The following AGTPBP1 variants were observed in gnomAD, a reference collection of about 807,000 sequenced individuals.
AGTPBP1 encodes cytosolic carboxypeptidase 1.
A neutral mutation model predicts 143.9 loss-of-function variants in AGTPBP1; 70 were observed. The observed-to-expected ratio is 0.49, with a 90% confidence interval of 0.40 to 0.59. The LOEUF is 0.59. Among genes scored for constraint, AGTPBP1 ranks in the 20% least tolerant of loss-of-function variants. The pLI is 0.00. For missense variants in AGTPBP1, 1,229 were observed against 1,464.5 expected (o/e 0.84, Z 2.62); for synonymous variants, 463 against 500.2 (o/e 0.93, Z 0.99).
At chr9:85,679,486 C>T (rs761547746) in intron 4 of AGTPBP1, among the ~76,000 whole-genome samples, 3 of 152,110 alleles carry the variant, frequency 2.0e-5, no homozygotes, top group Admixed American at 6.5e-5. Context: ...CGGCTCACTG[C>T]AAGCTCCGCC....
chr9:85,599,950 T>C (rs1164783363), intron 17 of AGTPBP1, among the ~76,000 whole-genome samples: 2 of 152,190 alleles, frequency 1.3e-5, no homozygotes, highest in African/African-American at 2.4e-5. Context: ...ACATACCAGA[T>C]GCATGATCCT....
intron 17 of AGTPBP1, among the ~76,000 whole-genome samples, chr9:85,616,470 A>C (rs1435063735): frequency 6.6e-6 from 1 of 152,012 alleles, no homozygotes; most frequent in African/African-American, 2.4e-5. Context: ...AAAATGTTAT[A>C]GTTTTTAATA....
At chr9:85,582,569 A>G (rs1828336194) in intron 23 of AGTPBP1, among the ~76,000 whole-genome samples, 1 of 151,968 alleles carries the variant, frequency 6.6e-6, no homozygotes. Context: ...AATCCCAGCT[A>G]CTTGGGAGGC....
At chr9:85,678,183 GCAA>G (rs1834952428) in intron 5 of AGTPBP1, 149 bp downstream of exon 5, 2 of 510,310 alleles carry the variant, frequency 3.9e-6, no homozygotes, top group Admixed American at 4.0e-5. Flanking sequence ...CAAAAATAAA[GCAA>G]CAACAACAAA....
At chr9:85,765,632 A>AAG in the AGTPBP1 span, among the ~76,000 whole-genome samples, 1 of 152,114 alleles carries the variant, frequency 6.6e-6, no homozygotes. Flanking sequence ...TTACTTCATC[A>AAG]GAGAAAGATG....
At position 85,675,296 on chromosome 9, in the gene AGTPBP1, G is replaced by A. The variant is rs567554398; in HGVS notation, c.436+2140C>T. On this transcript the variant is annotated intron_variant, in intron 6 of 25. Transcript: ENST00000357081. ...AACTGAACTTGAGTTCTAGTCAAAG[G>A]GTGCCTTCCTTAGTTAACCTAACCT... is the stretch of plus-strand genomic sequence containing the variant. 3.3e-5 allele frequency among the ~76,000 whole-genome samples: 5 copies of A among 152,066 alleles called. No homozygotes were observed. In the East Asian group the frequency reaches 9.6e-4, roughly 29 times the overall value.
chr9:85,561,196 T>C (rs781218210), intron 25 of AGTPBP1, among the ~76,000 whole-genome samples: 1 of 152,038 alleles, frequency 6.6e-6, no homozygotes, highest in African/African-American at 2.4e-5. Flanking sequence ...ACCCCGTTTC[T>C]ATTAAAAATA....
intron 22 of AGTPBP1, among the ~76,000 whole-genome samples, chr9:85,586,148 G>C (rs1345136214): frequency 2.0e-5 from 3 of 151,634 alleles, no homozygotes; most frequent in Non-Finnish European, 4.4e-5. Flanking sequence ...GGGAGGCAGA[G>C]GTTGCAGTGA....
Position 85,665,281 on chromosome 9 carries a change from G to T in AGTPBP1, c.662+4204C>A, listed in dbSNP as rs539305718. ...ACAAAAGGGGAGAGTGCCATGTGAT[G>T]ATGGAGGCAAAAACCGAAATGCTAT... On this transcript the variant is annotated intron_variant, in intron 8 of 25. Transcript: ENST00000357081. 2.6e-5 allele frequency among the ~76,000 whole-genome samples: 4 copies of T among 152,268 alleles called. No individual in the cohort carries two copies. The East Asian group carries it at 7.7e-4, about 29-fold the overall frequency.
intron 2 of AGTPBP1, among the ~76,000 whole-genome samples, chr9:85,706,523 A>G (rs191786094): frequency 1.1e-3 from 161 of 151,024 alleles, no homozygotes; most frequent in African/African-American, 3.6e-3. Context: ...AAAAAAAAAA[A>G]AAAGAAAGAA....
chr9:85,642,809 AATTTTCTAT>A lies in AGTPBP1; in HGVS notation c.1302+9_1302+17del, dbSNP rs766726286. The A allele has an allele frequency of 1.3e-6, 2 of 1,561,208 alleles. No homozygotes were observed. Among genetic ancestry groups the A allele is most frequent in the South Asian group, 2.3e-5 (2 of 85,278 alleles). ...TTTATTAAAATCAGTTAAGATGCTGAATTTTCTATATTTATACCTGAAAATCATCAACAA... is the reference window on the plus strand; with the variant it reads ...TTTATTAAAATCAGTTAAGATGCTGAATTTATACCTGAAAATCATCAACAA... On this transcript the variant is annotated intron_variant, in intron 13 of 25. Transcript: ENST00000357081.
the AGTPBP1 span, among the ~76,000 whole-genome samples, chr9:85,783,513 GGTTT>G: frequency 1.3e-5 from 2 of 151,916 alleles, no homozygotes; most frequent in African/African-American, 4.8e-5. Context: ...CATGAAACAA[GGTTT>G]GTTTGAATTA....
At chr9:85,797,918 A>T in the AGTPBP1 span, among the ~76,000 whole-genome samples, 1 of 151,422 alleles carries the variant, frequency 6.6e-6, no homozygotes, top group Non-Finnish European at 1.5e-5. Context: ...TTTGAGACGG[A>T]CTCTCACTCT....
intron 18 of AGTPBP1, among the ~76,000 whole-genome samples, chr9:85,594,883 AAAGT>A (rs1829196672): frequency 2.0e-5 from 3 of 152,244 alleles, no homozygotes; most frequent in South Asian, 4.1e-4. Flanking sequence ...AAGAAGCATG[AAAGT>A]AAGAATGCTT....
chr9:85,604,023 T>C (rs1244488715), intron 17 of AGTPBP1, among the ~76,000 whole-genome samples: 1 of 152,218 alleles, frequency 6.6e-6, no homozygotes, highest in East Asian at 1.9e-4. Context: ...CTGAATGCTG[T>C]ACAGCATTCT....
rs541079501 is a variant in AGTPBP1, at chr9:85,648,911, A to G, written c.1088-2493T>C. Among the ~76,000 whole-genome samples, 132 of 152,314 alleles carry G rather than the reference A, an allele frequency of 8.7e-4. 1 individual carries two copies. The highest frequency in any genetic ancestry group is 4.3e-3 in the South Asian group (21 of 4,832). ...AATGCAGTTCAGCATCAGAGAGAAAATATGTTTTCAATTTTTAGTCAAACC... is the reference window on the plus strand; with the variant it reads ...AATGCAGTTCAGCATCAGAGAGAAAGTATGTTTTCAATTTTTAGTCAAACC... On this transcript the variant is annotated intron_variant, in intron 11 of 25. Coordinates refer to ENST00000357081, the MANE Select transcript of AGTPBP1 (RefSeq NM_001330701.2).
chr9:85,778,570 A>G, the AGTPBP1 span, among the ~76,000 whole-genome samples: 14 of 152,150 alleles, frequency 9.2e-5, no homozygotes, highest in Non-Finnish European at 1.5e-5. Flanking sequence ...CCCCATTCAA[A>G]ACTGGCAGCC....
chr9:85,696,478 G>C (rs879495332), intron 2 of AGTPBP1, among the ~76,000 whole-genome samples: 44 of 152,050 alleles, frequency 2.9e-4, no homozygotes, highest in Non-Finnish European at 6.0e-4. Context: ...GACCAGCCTG[G>C]TCAACACGGT....
intron 8 of AGTPBP1, among the ~76,000 whole-genome samples, chr9:85,664,027 T>C (rs923840839): frequency 6.6e-5 from 10 of 152,118 alleles, no homozygotes; most frequent in African/African-American, 2.2e-4. Context: ...TAAATAATCA[T>C]GATACATGGA....
Sources: gnomAD v4.1 joint callset for allele counts (sites outside exome capture counted in the v4.1 genomes callset) on GRCh38, gnomAD v4.1.1 for gene constraint, MANE v1.5 for transcripts, NCBI Gene and HGNC (gene_info 2026-07-23, HGNC 2026-07-21) for gene names.